The following CLTCL1 variants were observed in gnomAD, a reference collection of about 807,000 sequenced individuals.
CLTCL1 encodes the protein clathrin heavy chain like 1, also known as clathrin heavy chain 2.
A neutral mutation model predicts 190.0 loss-of-function variants in CLTCL1; 159 were observed. That is an observed-to-expected ratio of 0.84 (90% CI 0.74 to 0.95). The LOEUF is 0.95. Among genes scored for constraint, CLTCL1 ranks in the 40% least tolerant of loss-of-function variants. The pLI, the probability that CLTCL1 is intolerant of heterozygous loss-of-function variation, is 0.00. For missense variants in CLTCL1, 1,878 were observed against 2,033.4 expected, an observed-to-expected ratio of 0.92 and a Z score of 1.47; for synonymous variants, 752 against 769.6, an observed-to-expected ratio of 0.98 and a Z score of 0.38.
intron 18 of CLTCL1, among the ~76,000 whole-genome samples, chr22:19,219,016 CT>C (rs2085479530): frequency 6.6e-6 from 1 of 152,146 alleles, no homozygotes; most frequent in African/African-American, 2.4e-5. Context: ...TCTTCCTGGG[CT>C]GCATATCCCT....
rs868923290 is a variant in CLTCL1, at chr22:19,291,472, G to C, written c.42+128C>G. On this transcript the variant is annotated intron_variant, in intron 1 of 32. Coordinates refer to ENST00000427926, the MANE Select transcript of CLTCL1 (RefSeq NM_007098.4). Reference sequence around the variant, plus strand: ...GACGCCGCAGCCCCAGCCCAGGTGGGAGGTCGGAAATCGGCGCGGCCAGCT... The same window carrying C: ...GACGCCGCAGCCCCAGCCCAGGTGGCAGGTCGGAAATCGGCGCGGCCAGCT... 81 of 886,270 alleles carry C rather than the reference G, an allele frequency of 9.1e-5. No homozygotes were observed. In the Middle Eastern group the frequency reaches 3.6e-3, roughly 40 times the overall value. The allele number at this position is 886,270 out of a possible 1,614,324, so 54.9% of individuals were successfully genotyped here.
At chr22:19,183,146 G>A in intron 30 of CLTCL1, 3 of 497,760 alleles carry the variant, frequency 6.0e-6, no homozygotes, top group South Asian at 2.1e-5. Context: ...TGCCCAGCCA[G>A]AGTCTACAGG....
At chr22:19,195,630 A>G (rs1436423601) in intron 26 of CLTCL1, among the ~76,000 whole-genome samples, 1 of 151,826 alleles carries the variant, frequency 6.6e-6, no homozygotes, top group African/African-American at 2.4e-5. Flanking sequence ...CCCCTTCACC[A>G]AACTCACATA....
intron 29 of CLTCL1, chr22:19,184,893 A>G: frequency 3.8e-6 from 1 of 264,176 alleles, no homozygotes; most frequent in East Asian, 1.1e-4. Context: ...GGGAGGCTTC[A>G]TCCTGGTCCC....
At chr22:19,231,207 G>A (rs1361591547) in intron 10 of CLTCL1, among the ~76,000 whole-genome samples, 27 of 152,096 alleles carry the variant, frequency 1.8e-4, no homozygotes, top group Admixed American at 1.2e-3. Flanking sequence ...CCATAATCAC[G>A]AGCCAATTCT....
At position 19,235,700 on chromosome 22, in the gene CLTCL1, C is replaced by G; in HGVS notation, c.965G>C (p.Gly322Ala). The G allele has an allele frequency of 6.2e-7, 1 of 1,612,542 alleles. No homozygotes were observed. The change falls in exon 6 of 33, where the codon GGA becomes GCA. Residue 322 changes from glycine to alanine, a missense_variant. Coordinates refer to ENST00000427926, the MANE Select transcript of CLTCL1 (RefSeq NM_007098.4). ...TSGIIGVNKK[G>A]QVLSVCVEED... ...TGAAATGTCAGAGTTACACACCTGT[C>G]CCTTTTTGTTGACACCAATAATTCC...
chr22:19,233,302 T>A lies in CLTCL1; in HGVS notation c.1385A>T (p.Glu462Val), dbSNP rs781877328. 1.2e-5 allele frequency: 20 copies of A among 1,613,008 alleles called. No individual in the cohort carries two copies. The highest frequency in any genetic ancestry group is 1.7e-5 in the Non-Finnish European group (20 of 1,179,112). Residue 462 changes from glutamate to valine, a missense_variant, in exon 9 of 33, where the codon GAG (glutamate) becomes GTG (valine). Coordinates refer to ENST00000427926, the MANE Select transcript of CLTCL1 (RefSeq NM_007098.4). Reference sequence around the variant, plus strand: ...AGTGGTTTTGACCAAGTCTCCGAGCTCCTCTGAGCACTCCAGCTGTGGTAT... The same window carrying A: ...AGTGGTTTTGACCAAGTCTCCGAGCACCTCTGAGCACTCCAGCTGTGGTAT... ...LKEDKLECSE[E>V]LGDLVKTTDP...
chr22:19,198,006 A>G lies in CLTCL1; in HGVS notation c.3874-1350T>C, dbSNP rs2084764407. On this transcript the variant is annotated intron_variant, in intron 24 of 32. Coordinates refer to ENST00000427926, the MANE Select transcript of CLTCL1 (RefSeq NM_007098.4). The surrounding 1 kb of genome is among the most constrained non-coding windows in gnomAD (Gnocchi z 4.1). The stretch of plus-strand genomic sequence containing the variant: ...GCTCCAGATCTGTCTCCAGCTGCCT[A>G]CATGATGCCCCCACCTGAACATCCA... Among the ~76,000 whole-genome samples, 1 of 152,154 alleles carries G rather than the reference A, an allele frequency of 6.6e-6. No homozygotes were observed. Among genetic ancestry groups the G allele is most frequent in the African/African-American group, 2.4e-5 (1 of 41,426 alleles).
intron 3 of CLTCL1, among the ~76,000 whole-genome samples, chr22:19,250,238 AGT>A (rs533133081): frequency 1.3e-3 from 196 of 152,142 alleles, no homozygotes; most frequent in African/African-American, 4.1e-3. Flanking sequence ...TGGGTGACAG[AGT>A]GAGACTCTGT....
intron 1 of CLTCL1, 119 bp downstream of exon 1, chr22:19,291,481 A>C: frequency 9.9e-7 from 1 of 1,007,924 alleles, no homozygotes; most frequent in Non-Finnish European, 1.3e-6. Flanking sequence ...GGAGGTCGGA[A>C]ATCGGCGCGG....
intron 21 of CLTCL1, 52 bp downstream of exon 21, chr22:19,208,870 C>A: frequency 7.0e-7 from 1 of 1,430,768 alleles, no homozygotes. Flanking sequence ...TTGCTTCAGC[C>A]AGGTTTTGCA....
At chr22:19,291,560 C>T in intron 1 of CLTCL1, 40 bp downstream of exon 1, 1 of 1,329,896 alleles carries the variant, frequency 7.5e-7, no homozygotes, top group Admixed American at 3.6e-5. Context: ...CCGGCGGAGG[C>T]GCGGCTGACA....
chr22:19,220,345 G>A (rs1195519242), intron 17 of CLTCL1, among the ~76,000 whole-genome samples: 1 of 152,110 alleles, frequency 6.6e-6, no homozygotes, highest in East Asian at 1.9e-4. Context: ...CTTGAAATGT[G>A]GTGCGTGACA....
intron 26 of CLTCL1, among the ~76,000 whole-genome samples, chr22:19,195,491 G>A (rs544345650): frequency 5.9e-5 from 9 of 152,300 alleles, no homozygotes; most frequent in East Asian, 5.8e-4. Context: ...GTGCATGAGC[G>A]AGGCCACAGC....
intron 3 of CLTCL1, among the ~76,000 whole-genome samples, chr22:19,249,667 G>A (rs932581631): frequency 1.3e-5 from 2 of 151,994 alleles, no homozygotes; most frequent in African/African-American, 2.4e-5. Context: ...TTGCACTCCA[G>A]CCTGGACAAC....
intron 5 of CLTCL1, among the ~76,000 whole-genome samples, chr22:19,237,379 A>G (rs559719664): frequency 6.6e-6 from 1 of 152,184 alleles, no homozygotes; most frequent in Non-Finnish European, 1.5e-5. Flanking sequence ...CCGGATACAT[A>G]TGAGTGGCTG....
At chr22:19,212,359 A>G (rs1474305333) in intron 19 of CLTCL1, among the ~76,000 whole-genome samples, 2 of 150,476 alleles carry the variant, frequency 1.3e-5, no homozygotes, top group African/African-American at 4.9e-5. Flanking sequence ...TCAGGGTTTG[A>G]GACTAGCCTG....
chr22:19,282,381 T>C (rs1555987355), intron 1 of CLTCL1, among the ~76,000 whole-genome samples: 1 of 150,150 alleles, frequency 6.7e-6, no homozygotes, highest in East Asian at 2.0e-4. Flanking sequence ...GTCACGCTTG[T>C]AATCCCAGCA....
chr22:19,196,631 A>G lies in CLTCL1; in HGVS notation c.3899T>C (p.Ile1300Thr), dbSNP rs781886709. The change falls in exon 25 of 33, where the codon ATC (isoleucine) becomes ACC (threonine). Residue 1300 changes from isoleucine to threonine, a missense_variant. Transcript: ENST00000427926. The part of the protein sequence containing the change: ...YQDRGYFEEL[I>T]LLLEAALGLE... Reference sequence around the variant, plus strand: ...GCCCAGGGCCGCTTCCAACAGCAAGATCAGCTCCTCAAAGTAGCCACGATC... The same window carrying G: ...GCCCAGGGCCGCTTCCAACAGCAAGGTCAGCTCCTCAAAGTAGCCACGATC... 3.1e-6 allele frequency: 5 copies of G among 1,613,416 alleles called. No individual in the cohort carries two copies. Among genetic ancestry groups the G allele is most frequent in the Non-Finnish European group, 4.2e-6 (5 of 1,179,740 alleles).
Sources: gnomAD v4.1 joint callset for allele counts (sites outside exome capture counted in the v4.1 genomes callset) on GRCh38, gnomAD v4.1.1 for gene constraint, Gnocchi (gnomAD v3.1) non-coding constraint, MANE v1.5 for transcripts, NCBI Gene and HGNC (gene_info 2026-07-23, HGNC 2026-07-21) for gene names.